Variants in CLCNKB observed in about 807,000 individuals in gnomAD.
CLCNKB encodes chloride voltage-gated channel Kb.
A neutral mutation model predicts 83.8 loss-of-function variants in CLCNKB; 74 were observed. That is an observed-to-expected ratio of 0.88 (90% confidence interval 0.73 to 1.07). The LOEUF is 1.07. Ranked by LOEUF, CLCNKB falls within the 50% of genes least tolerant of loss-of-function variation. The probability of loss-of-function intolerance (pLI) is 0.00; values close to 1 mark genes in which losing one functional copy is unlikely to be tolerated. For missense variants in CLCNKB, 798 were observed against 893.6 expected (o/e 0.89, Z 1.36); for synonymous variants, 358 against 356.6 (o/e 1.00, Z -0.04).
chr1:16,047,764 G>T, intron 4 of CLCNKB, 141 bp from the exon 5 acceptor site: 1 of 1,002,076 alleles, frequency 1.0e-6, no homozygotes, highest in Non-Finnish European at 1.5e-6. Context: ...GCAAGATCTT[G>T]TCCCCAAAGG....
At chr1:16,052,550 C>T (rs1278074463) in intron 15 of CLCNKB, 139 bp downstream of exon 15, 52 of 1,194,698 alleles carry the variant, frequency 4.4e-5, no homozygotes, top group Non-Finnish European at 6.1e-5. Context: ...GCTCTGTTCT[C>T]CACTCTCCCC....
chr1:16,046,806 GC>G, intron 4 of CLCNKB, 143 bp downstream of exon 4: 1 of 1,094,164 alleles, frequency 9.1e-7, no homozygotes, highest in Non-Finnish European at 1.3e-6. Context: ...CAGCAAGAAG[GC>G]CAGATCTTGA....
chr1:16,046,775 T>C (rs1408297926), intron 4 of CLCNKB, 112 bp downstream of exon 4: 6 of 1,421,128 alleles, frequency 4.2e-6, no homozygotes, highest in Non-Finnish European at 5.9e-6. Context: ...GGAAGAGTCA[T>C]GTGGCTTGCC....
rs765666352 is a variant in CLCNKB, at chr1:16,056,960, A to G, written c.*44A>G. 2.1e-5 allele frequency: 33 copies of G among 1,584,662 alleles called. No individual in the cohort carries two copies. The highest frequency in any genetic ancestry group is 1.7e-6 in the Non-Finnish European group (2 of 1,155,200). On this transcript the variant is annotated 3_prime_UTR_variant, in exon 20 of 20. Coordinates refer to ENST00000375679, the MANE Select transcript of CLCNKB (RefSeq NM_000085.5). ...AACAGGGCACCCCAGCTGACCTGGT[A>G]CTGAGGTTGGGCTGAGACCCTGCTT... is the stretch of plus-strand genomic sequence containing the variant.
chr1:16,051,522 G>A lies in CLCNKB; in HGVS notation c.1272G>A (p.Gly424=). 13 of 1,614,128 alleles carry A rather than the reference G, an allele frequency of 8.1e-6. No homozygotes were observed. The highest frequency in any genetic ancestry group is 1.3e-5 in the African/African-American group (1 of 75,000). Residue 424 remains glycine (G), a synonymous_variant, in exon 13 of 20, where the codon GGG becomes GGA. Coordinates refer to ENST00000375679, the MANE Select transcript of CLCNKB (RefSeq NM_000085.5). ...CCACCACCATCCCCATGCCTGCCGGGTACTTCATGCCCATCTTTGTCTATG... is the reference window on the plus strand; with the variant it reads ...CCACCACCATCCCCATGCCTGCCGGATACTTCATGCCCATCTTTGTCTATG... ...ILATTIPMPA[G]YFMPIFVYGA... is the part of the protein sequence containing the mutation.
At chr1:16,051,290 AG>A (rs1380036836) in intron 12 of CLCNKB, among the ~76,000 whole-genome samples, 187 bp from the exon 13 acceptor site, 1 of 152,194 alleles carries the variant, frequency 6.6e-6, no homozygotes, top group East Asian at 1.9e-4. Context: ...TACCTGGCAC[AG>A]TGCCAGGGCA....
At position 16,057,300 on chromosome 1, in the gene CLCNKB, G is replaced by A. The variant is rs1430588783; in HGVS notation, c.*384G>A. ...GAGGCTCCTGAGAAAAATAAAGCTG[G>A]TTCCCAGAGCTGGTGTCCATCCCTC... On this transcript the variant is annotated 3_prime_UTR_variant, in exon 20 of 20. Coordinates refer to ENST00000375679, the MANE Select transcript of CLCNKB (RefSeq NM_000085.5). The A allele has an allele frequency of 1.8e-6, 1 of 564,806 alleles. No homozygotes were observed. Among genetic ancestry groups the A allele is most frequent in the African/African-American group, 1.8e-5 (1 of 54,332 alleles). The allele number at this position is 564,806 out of a possible 1,614,324, so 35.0% of individuals were successfully genotyped here. A position where few individuals can be genotyped will look rare whatever the true frequency, so the allele number is the denominator to read the frequency against.
intron 15 of CLCNKB, among the ~76,000 whole-genome samples, chr1:16,053,336 T>A (rs1169954127): frequency 6.6e-6 from 1 of 152,102 alleles, no homozygotes; most frequent in Non-Finnish European, 1.5e-5. Flanking sequence ...CCGCATATAC[T>A]TTTTACTCAA....
intron 13 of CLCNKB, 27 bp from the exon 14 acceptor site, chr1:16,051,683 T>C (rs1423920491): frequency 6.2e-7 from 1 of 1,606,436 alleles, no homozygotes; most frequent in Admixed American, 1.7e-5. Context: ...TCAGCCTGGC[T>C]CCCCCTCACC....
In CLCNKB at chr1:16,049,068, G is replaced by C. The variant is rs780304254; in HGVS notation, c.656-52G>C. The stretch of plus-strand genomic sequence containing the variant: ...GGTGACATGGGGAGGGGGTCCTACA[G>C]TCACAGGTGGGTGGGGGTGGAGGGC... On this transcript the variant is annotated intron_variant, in intron 7 of 19. Transcript: ENST00000375679. 6 of 1,613,336 alleles carry C rather than the reference G, an allele frequency of 3.7e-6. No individual in the cohort carries two copies. The South Asian group carries it at 5.5e-5, about 15-fold the overall frequency.
intron 12 of CLCNKB, among the ~76,000 whole-genome samples, 179 bp from the exon 13 acceptor site, chr1:16,051,299 G>C (rs2023282690): frequency 6.6e-6 from 1 of 152,150 alleles, no homozygotes; most frequent in Non-Finnish European, 1.5e-5. Flanking sequence ...CAGTGCCAGG[G>C]CATACAGTGG....
At chr1:16,055,346 A>G in intron 16 of CLCNKB, 89 bp from the exon 17 acceptor site, 1 of 1,051,842 alleles carries the variant, frequency 9.5e-7, no homozygotes, top group South Asian at 1.3e-5. Flanking sequence ...GGAACACCAG[A>G]ACAGTTCTTG....
At chr1:16,048,255 G>A (rs1245679818) in intron 5 of CLCNKB, 88 bp from the exon 6 acceptor site, 2 of 1,545,004 alleles carry the variant, frequency 1.3e-6, no homozygotes, top group Non-Finnish European at 1.8e-6. Flanking sequence ...GATGGAGGAG[G>A]GGGTGTTGGG....
At chr1:16,054,916 A>T (rs1407115673) in intron 16 of CLCNKB, among the ~76,000 whole-genome samples, 4 of 152,132 alleles carry the variant, frequency 2.6e-5, no homozygotes, top group Admixed American at 6.5e-5. Flanking sequence ...AGAAAGCAAA[A>T]ACACCAAGCT....
At position 16,044,483 on chromosome 1, in the gene CLCNKB, C is replaced by T; in HGVS notation, c.-7-3C>T. 1 of 1,595,670 alleles carries T rather than the reference C, an allele frequency of 6.3e-7. No individual in the cohort carries two copies. Among genetic ancestry groups the T allele is most frequent in the Non-Finnish European group, 8.5e-7 (1 of 1,172,042 alleles). On this transcript the variant is annotated splice_polypyrimidine_tract_variant and splice_region_variant and intron_variant, in intron 1 of 19. Coordinates refer to ENST00000375679, the MANE Select transcript of CLCNKB (RefSeq NM_000085.5). ...CGGTCCCTCCCTCTATCCGCTTCTC[C>T]AGGGGCCTGATGGAGGAGTTTGTGG...
intron 8 of CLCNKB, 23 bp from the exon 9 acceptor site, chr1:16,049,595 T>C: frequency 6.4e-7 from 1 of 1,568,202 alleles, no homozygotes. Context: ...CCATCTTGGC[T>C]CCCCACTGCC....
chr1:16,047,831 C>T lies in CLCNKB; in HGVS notation c.359-74C>T. On this transcript the variant is annotated intron_variant, in intron 4 of 19. Coordinates refer to ENST00000375679, the MANE Select transcript of CLCNKB (RefSeq NM_000085.5). ...ATCTGGCGAGATCGTAATGTGAAAA[C>T]ATCACACAGGTAGAGTGTTGAGATT... is the stretch of plus-strand genomic sequence containing the variant. The T allele has an allele frequency of 3.3e-6, 5 of 1,508,946 alleles. No individual in the cohort carries two copies. The South Asian group carries it at 5.6e-5, about 17-fold the overall frequency. The allele number at this position is 1,508,946 out of a possible 1,614,324, so 93.5% of individuals were successfully genotyped here.
rs749921857 is a variant in CLCNKB, at chr1:16,047,899, G to A, written c.359-6G>A. On this transcript the variant is annotated splice_region_variant and splice_polypyrimidine_tract_variant and intron_variant, in intron 4 of 19. Transcript: ENST00000375679. ...CCCCCTCCTGGCCCTGCCCACCCCC[G>A]CCAAGGTTCTGGAATCCCGGAGGTG... The A allele has an allele frequency of 7.4e-6, 12 of 1,613,264 alleles. No individual in the cohort carries two copies. The highest frequency in any genetic ancestry group is 3.3e-5 in the South Asian group (3 of 91,026).
intron 11 of CLCNKB, 74 bp downstream of exon 11, chr1:16,050,674 A>T (rs535357685): frequency 7.2e-6 from 11 of 1,523,650 alleles, no homozygotes; most frequent in Non-Finnish European, 1.0e-5. Flanking sequence ...ATCTCACTTA[A>T]TCCCCCCAAT....
Sources: allele counts gnomAD v4.1 joint callset (sites outside exome capture counted in the v4.1 genomes callset), GRCh38; gene constraint gnomAD v4.1.1; transcripts MANE v1.5; gene names NCBI Gene and HGNC (gene_info 2026-07-23, HGNC 2026-07-21).